GPHN: variants seen among roughly 807,000 people sequenced by gnomAD.
GPHN encodes the protein gephyrin.
A neutral mutation model predicts 95.5 loss-of-function variants in GPHN; 17 were observed. The observed-to-expected ratio is 0.18, with a 90% confidence interval of 0.12 to 0.27. The LOEUF is 0.27. GPHN is among the 10% of genes least tolerant of loss of function. The pLI is 1.00. For synonymous variants in GPHN, 320 were observed against 322.5 expected (o/e 0.99, Z 0.08); for missense variants, 660 against 978.1 (o/e 0.67, Z 4.34).
chr14:67,279,245 AC>A, the GPHN span: 1 of 1,613,678 alleles, frequency 6.2e-7, no homozygotes, highest in Non-Finnish European at 8.5e-7. Flanking sequence ...ATCTTGCATC[AC>A]CAGAGGAACA....
At chr14:67,119,577 G>A (rs527744302) in intron 16 of GPHN, among the ~76,000 whole-genome samples, 31 of 152,188 alleles carry the variant, frequency 2.0e-4, no homozygotes, top group Admixed American at 1.2e-3. Flanking sequence ...ATCACCTGAG[G>A]TCAGGAGTTT....
At chr14:66,771,594 T>C (rs550495732) in intron 2 of GPHN, among the ~76,000 whole-genome samples, 1 of 152,084 alleles carries the variant, frequency 6.6e-6, no homozygotes, top group Non-Finnish European at 1.5e-5. Flanking sequence ...TTTTATCATA[T>C]ATTAAGTTTT....
At chr14:67,233,111 TTTTTATTTTA>T in the GPHN span, among the ~76,000 whole-genome samples, 4,042 of 144,470 alleles carry the variant, frequency 0.028, 64 homozygotes, top group Non-Finnish European at 0.031. Context: ...CACCAACACA[TTTTTATTTTA>T]TTTTATTTTA....
At chr14:66,812,620 T>C (rs909343606) in intron 3 of GPHN, among the ~76,000 whole-genome samples, 2 of 152,098 alleles carry the variant, frequency 1.3e-5, no homozygotes, top group Non-Finnish European at 2.9e-5. Context: ...ATTTAAGAAG[T>C]GAAAAAGAAA....
chr14:66,571,704 G>T (rs527693569), intron 1 of GPHN, among the ~76,000 whole-genome samples: 10 of 152,074 alleles, frequency 6.6e-5, no homozygotes, highest in Non-Finnish European at 1.5e-4. Context: ...TCAGCTACTT[G>T]GGAGGCTGAG....
At chr14:67,208,094 C>A in the GPHN span, 2 of 1,461,352 alleles carry the variant, frequency 1.4e-6, no homozygotes, top group Non-Finnish European at 1.8e-6. Context: ...CTCACGGGTG[C>A]TCAGTGACGA....
chr14:66,583,445 C>G (rs957633226), intron 1 of GPHN, among the ~76,000 whole-genome samples: 3 of 152,126 alleles, frequency 2.0e-5, no homozygotes, highest in Non-Finnish European at 4.4e-5. Flanking sequence ...GTGTTTTAGA[C>G]ATGAAGTCCT....
At chr14:67,634,619 G>T in the GPHN span, among the ~76,000 whole-genome samples, 4 of 151,380 alleles carry the variant, frequency 2.6e-5, no homozygotes, top group Non-Finnish European at 5.9e-5. Context: ...AAGCTAGTAG[G>T]TAGTAATGAT....
intron 1 of GPHN, among the ~76,000 whole-genome samples, chr14:66,615,813 T>C (rs574812030): frequency 2.0e-3 from 300 of 152,164 alleles, no homozygotes; most frequent in African/African-American, 6.7e-3. Context: ...CTGAATGATA[T>C]TGCCTAGGTT....
intron 2 of GPHN, among the ~76,000 whole-genome samples, chr14:66,713,293 T>C (rs2069844260): frequency 6.6e-6 from 1 of 152,182 alleles, no homozygotes; most frequent in Non-Finnish European, 1.5e-5. Flanking sequence ...CCATAATCCA[T>C]GTTGATTTGA....
chr14:66,677,827 A>G (rs1386644123), intron 1 of GPHN, among the ~76,000 whole-genome samples: 1 of 152,142 alleles, frequency 6.6e-6, no homozygotes, highest in Non-Finnish European at 1.5e-5. Flanking sequence ...CTTTAGATCC[A>G]TTTGGACACA....
At chr14:67,663,255 T>A in the GPHN span, 7 of 1,163,372 alleles carry the variant, frequency 6.0e-6, no homozygotes, top group African/African-American at 1.5e-5. Context: ...AGTATTGTCT[T>A]AATTGTATTT....
the GPHN span, among the ~76,000 whole-genome samples, chr14:67,595,006 A>G: frequency 6.6e-6 from 1 of 151,894 alleles, no homozygotes; most frequent in African/African-American, 2.4e-5. Flanking sequence ...GCGTAGTGGC[A>G]GGCACCTGTA....
At chr14:66,990,891 A>C (rs1481891721) in intron 9 of GPHN, among the ~76,000 whole-genome samples, 3 of 151,830 alleles carry the variant, frequency 2.0e-5, no homozygotes, top group African/African-American at 7.2e-5. Flanking sequence ...TAAATATTTA[A>C]TATAGAAGGT....
chr14:66,932,713 G>GC (rs915950154), intron 8 of GPHN, among the ~76,000 whole-genome samples: 9 of 151,294 alleles, frequency 5.9e-5, no homozygotes, highest in Non-Finnish European at 1.2e-4. Context: ...TTTATTCAAG[G>GC]CCCAAGGGCT....
intron 8 of GPHN, among the ~76,000 whole-genome samples, chr14:66,964,410 T>G (rs2069170898): frequency 6.6e-6 from 1 of 152,172 alleles, no homozygotes; most frequent in African/African-American, 2.4e-5. Context: ...AGACGTCAGA[T>G]AGCATGCTTA....
At chr14:66,746,125 T>C (rs2058138957) in intron 2 of GPHN, among the ~76,000 whole-genome samples, 1 of 152,232 alleles carries the variant, frequency 6.6e-6, no homozygotes, top group Non-Finnish European at 1.5e-5. Context: ...CTGTCACAAA[T>C]AAATCTACTG....
chr14:66,585,629 C>T (rs2061389567), intron 1 of GPHN, among the ~76,000 whole-genome samples: 1 of 152,036 alleles, frequency 6.6e-6, no homozygotes, highest in Non-Finnish European at 1.5e-5. Context: ...TTTATTTCTG[C>T]CTCCATTTCG....
At chr14:67,182,800 T>A (rs1395908731), downstream of GPHN, among the ~76,000 whole-genome samples, 2 of 151,698 alleles carry the variant, frequency 1.3e-5, no homozygotes, top group Admixed American at 1.3e-4. Context: ...TTGGAAGAAT[T>A]CAGATGAGAT....
Sources: gnomAD v4.1 joint callset for allele counts (sites outside exome capture counted in the v4.1 genomes callset) on GRCh38, gnomAD v4.1.1 for gene constraint, MANE v1.5 for transcripts, NCBI Gene and HGNC (gene_info 2026-07-23, HGNC 2026-07-21) for gene names.